The following CEP68 variants were observed in gnomAD, a reference collection of about 807,000 sequenced individuals.
CEP68 encodes the protein centrosomal protein 68, also known as centrosomal protein of 68 kDa.
CEP68 carries 26 observed loss-of-function variants against 55.3 expected under a neutral mutation model. That is an observed-to-expected ratio of 0.47 (90% CI 0.34 to 0.65). The LOEUF is 0.65. Ranked by LOEUF, CEP68 falls within the 30% of genes least tolerant of loss-of-function variation. The pLI, the probability that CEP68 is intolerant of heterozygous loss-of-function variation, is 0.01. For missense variants in CEP68, 957 were observed against 946.7 expected (o/e 1.01, Z -0.14); for synonymous variants, 402 against 383.2 (o/e 1.05, Z -0.57).
intron 1 of CEP68, among the ~76,000 whole-genome samples, chr2:65,068,770 G>A (rs888295736): frequency 6.6e-6 from 1 of 152,198 alleles, no homozygotes; most frequent in East Asian, 1.9e-4. Flanking sequence ...CGAGGCTGCA[G>A]TGAGCTGAGA....
At position 65,072,496 on chromosome 2, in the gene CEP68, A is replaced by T; in HGVS notation, c.1400A>T (p.Glu467Val). 1 of 1,614,040 alleles carries T rather than the reference A, an allele frequency of 6.2e-7. No individual in the cohort carries two copies. Among genetic ancestry groups the T allele is most frequent in the South Asian group, 1.1e-5 (1 of 91,078 alleles). Residue 467 changes from glutamate (E) to valine (V), a missense_variant, in exon 3 of 7, where the codon GAG becomes GTG. Coordinates refer to ENST00000377990, the MANE Select transcript of CEP68 (RefSeq NM_015147.3). ...SQSARRPTCTESRWKSEEEVE... is the reference protein window; with the variant it reads ...SQSARRPTCTVSRWKSEEEVE... ...AGTGCCCGGCGCCCTACCTGCACAG[A>T]GTCTAGGTGGAAATCAGAAGAGGAA...
In CEP68 at chr2:65,069,393, T is replaced by C. The variant is rs1024512089; in HGVS notation, c.-46-6T>C. The C allele has an allele frequency of 3.7e-6, 5 of 1,349,292 alleles. No individual in the cohort carries two copies. Among genetic ancestry groups the C allele is most frequent in the Admixed American group, 2.3e-5 (1 of 43,400 alleles). 83.6% of individuals were successfully genotyped at this position (1,349,292 alleles called of 1,614,324 possible). Reference sequence around the variant, plus strand: ...ATATTTTTCTCTCCCTTCCCCTGTTTTGTAGGAAGCTGAAGTCTTCAGCAG... The same window carrying C: ...ATATTTTTCTCTCCCTTCCCCTGTTCTGTAGGAAGCTGAAGTCTTCAGCAG... On this transcript the variant is annotated splice_region_variant and splice_polypyrimidine_tract_variant and intron_variant, in intron 1 of 6. Coordinates refer to ENST00000377990, the MANE Select transcript of CEP68 (RefSeq NM_015147.3).
intron 1 of CEP68, among the ~76,000 whole-genome samples, chr2:65,068,149 G>C (rs1335034746): frequency 6.6e-6 from 1 of 152,122 alleles, no homozygotes; most frequent in African/African-American, 2.4e-5. Flanking sequence ...CCGACATCCT[G>C]GGCATTCACG....
chr2:65,066,235 T>C (rs1676157052), intron 1 of CEP68, among the ~76,000 whole-genome samples: 1 of 152,112 alleles, frequency 6.6e-6, no homozygotes, highest in African/African-American at 2.4e-5. Flanking sequence ...ATGGGGAGAA[T>C]GTGCACACTC....
chr2:65,071,423 C>T (rs760060329), intron 2 of CEP68, 31 bp from the exon 3 acceptor site: 14 of 1,575,024 alleles, frequency 8.9e-6, no homozygotes, highest in Non-Finnish European at 1.2e-5. Context: ...GATTTTTACC[C>T]AAGTGCTTTT....
rs189892781 is a variant in CEP68, at chr2:65,074,143, G to T, written c.1885-139G>T. 2.8e-4 allele frequency: 266 copies of T among 946,308 alleles called. 3 individuals are homozygous for T. The South Asian group carries it at 4.0e-3, about 14-fold the overall frequency. The allele number at this position is 946,308 out of a possible 1,614,324, so 58.6% of individuals were successfully genotyped here. ...GAGGGAGGTACAGAGTCGTGGAGTC[G>T]GGACAGGTGAGCAAGGAGGAGAGAG... is the stretch of plus-strand genomic sequence containing the variant. On this transcript the variant is annotated intron_variant, in intron 3 of 6. Transcript: ENST00000377990.
In CEP68 at chr2:65,084,190, A is replaced by G. The variant is rs999507577; in HGVS notation, c.*556A>G. Reference sequence around the variant, plus strand: ...AAAAAGGGTTAAATGAAGCATCTATACAGATGACTTTGGGAGATTATGACA... The same window carrying G: ...AAAAAGGGTTAAATGAAGCATCTATGCAGATGACTTTGGGAGATTATGACA... On this transcript the variant is annotated 3_prime_UTR_variant, in exon 7 of 7. Transcript: ENST00000377990. 1 of 152,260 alleles carries G rather than the reference A, an allele frequency of 6.6e-6. No homozygotes were observed. Among genetic ancestry groups the G allele is most frequent in the African/African-American group, 2.4e-5 (1 of 41,474 alleles). 9.4% of individuals were successfully genotyped at this position (152,260 alleles called of 1,614,324 possible). A position where few individuals can be genotyped will look rare whatever the true frequency, so the allele number is the denominator to read the frequency against.
intron 1 of CEP68, among the ~76,000 whole-genome samples, chr2:65,062,347 A>T (rs1307077411): frequency 6.6e-6 from 1 of 152,206 alleles, no homozygotes; most frequent in Non-Finnish European, 1.5e-5. Flanking sequence ...CAGCCTGGCC[A>T]ACATGGTTAA....
rs61758846 is a variant in CEP68, at chr2:65,086,624, G to C, written c.*2990G>C. The C allele has an allele frequency of 0.1, 15,703 of 152,202 alleles. 1,104 individuals are homozygous for C. Among genetic ancestry groups the C allele is most frequent in the South Asian group, 0.19 (940 of 4,822 alleles). 9.4% of individuals were successfully genotyped at this position (152,202 alleles called of 1,614,324 possible). On this transcript the variant is annotated 3_prime_UTR_variant, in exon 7 of 7. Coordinates refer to ENST00000377990, the MANE Select transcript of CEP68 (RefSeq NM_015147.3). ...GCTGACAATTTAAACAACTTTTACT[G>C]TGTAAAAATGAAGTGCACGGCATGG...
intron 1 of CEP68, among the ~76,000 whole-genome samples, chr2:65,067,129 A>G (rs1676227795): frequency 6.6e-6 from 1 of 151,840 alleles, no homozygotes; most frequent in South Asian, 2.1e-4. Context: ...TATGCCTATA[A>G]TCCCAGCACT....
chr2:65,074,192 C>A, intron 3 of CEP68, 90 bp from the exon 4 acceptor site: 1 of 1,499,850 alleles, frequency 6.7e-7, no homozygotes, highest in Non-Finnish European at 9.1e-7. Context: ...CACAGTCTGT[C>A]TCCAAGTCCT....
In CEP68 at chr2:65,071,511, A is replaced by G. The variant is rs1423590720; in HGVS notation, c.415A>G (p.Arg139Gly). The G allele has an allele frequency of 6.2e-7, 1 of 1,607,088 alleles. No homozygotes were observed. ...GTTCCCTCAGACTCTGAGCCTTCCCAGAACAACAACTATTTGCTCAGGACA... is the reference window on the plus strand; with the variant it reads ...GTTCCCTCAGACTCTGAGCCTTCCCGGAACAACAACTATTTGCTCAGGACA... ...EEFPQTLSLPRTTTICSGHDA... is the reference protein window; with the variant it reads ...EEFPQTLSLPGTTTICSGHDA... The change falls in exon 3 of 7, where the codon AGA becomes GGA. Residue 139 changes from arginine to glycine, a missense_variant. Arg to Gly is a moderately radical substitution (Grantham distance 125). Transcript: ENST00000377990.
intron 1 of CEP68, among the ~76,000 whole-genome samples, chr2:65,062,445 A>T (rs1303626680): frequency 6.7e-6 from 1 of 148,446 alleles, no homozygotes; most frequent in African/African-American, 2.5e-5. Context: ...AGCCAGGAGA[A>T]TTGCTTGAAC....
At chr2:65,071,400 A>G (rs987586030) in intron 2 of CEP68, 54 bp from the exon 3 acceptor site, 181 of 1,469,984 alleles carry the variant, frequency 1.2e-4, no homozygotes, top group Non-Finnish European at 1.1e-4. Flanking sequence ...CATCTAAGAA[A>G]GAAATTGGGT....
rs758176344 is a variant in CEP68 at position 65,084,240 on chromosome 2, G to A, written c.*606G>A. The A allele has an allele frequency of 2.8e-4, 42 of 152,042 alleles. No homozygotes were observed. The highest frequency in any genetic ancestry group is 2.4e-3 in the Admixed American group (37 of 15,254). 9.4% of individuals were successfully genotyped at this position (152,042 alleles called of 1,614,324 possible). ...ACCTTTTGCCATCTTCAGGGCTTAC[G>A]TCTTTACTTTCTTGGCTAACCAGTT... On this transcript the variant is annotated 3_prime_UTR_variant, in exon 7 of 7. Transcript: ENST00000377990.
intron 1 of CEP68, among the ~76,000 whole-genome samples, chr2:65,063,430 C>G (rs1489730006): frequency 6.6e-6 from 1 of 152,244 alleles, no homozygotes; most frequent in Non-Finnish European, 1.5e-5. Context: ...CATCATGGAG[C>G]TGCTAGCCTC....
intron 5 of CEP68, 63 bp from the exon 6 acceptor site, chr2:65,082,473 C>T: frequency 7.1e-7 from 1 of 1,407,982 alleles, no homozygotes; most frequent in Non-Finnish European, 9.4e-7. Context: ...TTTGAAAATG[C>T]TTACTGGACA....
chr2:65,067,607 T>C (rs1269010051), intron 1 of CEP68, among the ~76,000 whole-genome samples: 1 of 152,112 alleles, frequency 6.6e-6, no homozygotes, highest in Non-Finnish European at 1.5e-5. Flanking sequence ...TGCCTCCCCA[T>C]GACACTAATG....
At chr2:65,060,856 C>T (rs561611673) in intron 1 of CEP68, among the ~76,000 whole-genome samples, 1 of 152,142 alleles carries the variant, frequency 6.6e-6, no homozygotes, top group East Asian at 1.9e-4. Context: ...CAGTCAAGCT[C>T]CTTGTAGATG....
Sources: allele counts gnomAD v4.1 joint callset (sites outside exome capture counted in the v4.1 genomes callset), GRCh38; gene constraint gnomAD v4.1.1; transcripts MANE v1.5; gene names NCBI Gene and HGNC (gene_info 2026-07-23, HGNC 2026-07-21).